ZNF626: variants seen among roughly 807,000 people sequenced by gnomAD.
ZNF626 encodes the protein zinc finger protein 626.
ZNF626 carries 4 observed loss-of-function variants against 11.7 expected under a neutral mutation model. The observed-to-expected ratio is 0.34, with a 90% confidence interval of 0.17 to 0.78. The LOEUF (loss-of-function observed/expected upper bound fraction) is 0.78. Among genes scored for constraint, ZNF626 ranks in the 30% least tolerant of loss-of-function variants. The pLI is 0.57. For synonymous variants in ZNF626, 179 were observed against 198.6 expected, an observed-to-expected ratio of 0.90 and a Z score of 0.83; for missense variants, 588 against 587.1, an observed-to-expected ratio of 1.00 and a Z score of -0.01.
chr19:20,630,517 T>C (rs1253356281), intron 3 of ZNF626, among the ~76,000 whole-genome samples: 7 of 152,208 alleles, frequency 4.6e-5, no homozygotes, highest in Non-Finnish European at 1.0e-4. Flanking sequence ...GGAGGATGTA[T>C]GTGTCGAGGA....
intron 1 of ZNF626, among the ~76,000 whole-genome samples, chr19:20,653,422 C>T (rs1431165031): frequency 2.0e-5 from 3 of 152,148 alleles, no homozygotes; most frequent in Admixed American, 6.6e-5. Context: ...CCATGTCATA[C>T]ATAGTTCATC....
In ZNF626 at chr19:20,624,110, C is replaced by T. The variant is rs1294140273; in HGVS notation, c.*180G>A. On this transcript the variant is annotated 3_prime_UTR_variant, in exon 4 of 4. Coordinates refer to ENST00000601440, the MANE Select transcript of ZNF626 (RefSeq NM_001076675.3). ...CATTATTCACATCTGTAGGGTTTCT[C>T]TCCAGTATGAAATCTCTTATGTGTA... The T allele has an allele frequency of 6.7e-6, 7 of 1,043,080 alleles. No individual in the cohort carries two copies. The East Asian group carries it at 9.5e-5, about 14-fold the overall frequency. The allele number at this position is 1,043,080 out of a possible 1,614,324, so 64.6% of individuals were successfully genotyped here. A position where few individuals can be genotyped will look rare whatever the true frequency, so the allele number is the denominator to read the frequency against.
rs2144759334 is a variant in ZNF626, at chr19:20,623,156, T to G, written c.*1134A>C. ...TTAATGCTTTCATTAACTATGAACC[T>G]TCTTATGTTGAGTAAGATGTGAGTA... On this transcript the variant is annotated 3_prime_UTR_variant, in exon 4 of 4. Coordinates refer to ENST00000601440, the MANE Select transcript of ZNF626 (RefSeq NM_001076675.3). 1 of 152,394 alleles carries G rather than the reference T, an allele frequency of 6.6e-6. No homozygotes were observed. Among genetic ancestry groups the G allele is most frequent in the Non-Finnish European group, 1.5e-5 (1 of 68,056 alleles). 9.4% of individuals were successfully genotyped at this position (152,394 alleles called of 1,614,324 possible). A position where few individuals can be genotyped will look rare whatever the true frequency, so the allele number is the denominator to read the frequency against.
At chr19:20,654,362 G>A (rs1213009717) in intron 1 of ZNF626, among the ~76,000 whole-genome samples, 1 of 151,998 alleles carries the variant, frequency 6.6e-6, no homozygotes, top group African/African-American at 2.4e-5. Context: ...AGAATTGCTT[G>A]AACCTCGGAG....
At chr19:20,649,673 C>T (rs930083606) in intron 1 of ZNF626, among the ~76,000 whole-genome samples, 3 of 152,146 alleles carry the variant, frequency 2.0e-5, no homozygotes, top group Admixed American at 1.3e-4. Flanking sequence ...TTGATAACCA[C>T]GGAGCTAAGC....
intron 3 of ZNF626, among the ~76,000 whole-genome samples, chr19:20,641,104 C>T (rs575080041): frequency 1.4e-5 from 2 of 145,466 alleles, no homozygotes; most frequent in Non-Finnish European, 3.0e-5. Flanking sequence ...CCACTGCACT[C>T]TAGCGTGGGT....
At chr19:20,649,944 T>C (rs1379706806) in intron 1 of ZNF626, among the ~76,000 whole-genome samples, 1 of 152,214 alleles carries the variant, frequency 6.6e-6, no homozygotes, top group Non-Finnish European at 1.5e-5. Context: ...CCCATCTCCA[T>C]CCAAAAGTTT....
At position 20,641,746 on chromosome 19, in the gene ZNF626, G is replaced by A. The variant is rs551769273; in HGVS notation, c.226+3938C>T. On this transcript the variant is annotated intron_variant, in intron 3 of 3. Transcript: ENST00000601440. ...ATTAATTTTTTTTTTTATAGAAAGG[G>A]GTCTCCATATGTTCCCCAGGCTGGT... Among the ~76,000 whole-genome samples, 4 of 151,468 alleles carry A rather than the reference G, an allele frequency of 2.6e-5. No individual in the cohort carries two copies. The South Asian group carries it at 8.3e-4, about 32-fold the overall frequency.
intron 3 of ZNF626, among the ~76,000 whole-genome samples, chr19:20,633,747 G>T (rs1175989289): frequency 6.6e-6 from 1 of 152,182 alleles, no homozygotes; most frequent in African/African-American, 2.4e-5. Context: ...CCTGGGTGAG[G>T]CGATGCCTCG....
At chr19:20,659,107 G>GA (rs1555773429) in intron 1 of ZNF626, among the ~76,000 whole-genome samples, 1 of 152,174 alleles carries the variant, frequency 6.6e-6, no homozygotes, top group African/African-American at 2.4e-5. Context: ...ACAGTATACG[G>GA]AAAGAAACGC....
In ZNF626 at chr19:20,645,370, G is replaced by GA. The variant is rs1555771791; in HGVS notation, c.226+313dup. 1.0e-5 allele frequency: 16 copies of GA among 1,579,542 alleles called. No homozygotes were observed. In the East Asian group the frequency reaches 3.6e-4, roughly 36 times the overall value. ...ACATTTGTGCGTCCCAAAAATTATGGAAAAGCAGCCACACTGTGCAGTCTC... is the reference window on the plus strand; with the variant it reads ...ACATTTGTGCGTCCCAAAAATTATGGAAAAAGCAGCCACACTGTGCAGTCTC... On this transcript the variant is annotated intron_variant, in intron 3 of 3. Coordinates refer to ENST00000601440, the MANE Select transcript of ZNF626 (RefSeq NM_001076675.3).
intron 3 of ZNF626, among the ~76,000 whole-genome samples, chr19:20,636,270 A>G (rs577168166): frequency 6.6e-6 from 1 of 152,358 alleles, no homozygotes; most frequent in East Asian, 1.9e-4. Flanking sequence ...GGCAATAGAT[A>G]CATGGCTTTT....
chr19:20,646,238 TA>T, intron 2 of ZNF626, 40 bp downstream of exon 2: 1 of 1,504,234 alleles, frequency 6.6e-7, no homozygotes, highest in South Asian at 1.4e-5. Flanking sequence ...AATAAATAAA[TA>T]AAATCTATAG....
chr19:20,659,499 C>T (rs1970241102), intron 1 of ZNF626, among the ~76,000 whole-genome samples: 1 of 152,128 alleles, frequency 6.6e-6, no homozygotes, highest in Admixed American at 6.5e-5. Flanking sequence ...CCTAGGCCTC[C>T]CAAACTGCTG....
At chr19:20,630,571 G>T (rs1969891808) in intron 3 of ZNF626, among the ~76,000 whole-genome samples, 1 of 152,102 alleles carries the variant, frequency 6.6e-6, no homozygotes, top group Non-Finnish European at 1.5e-5. Flanking sequence ...TTGCATAGAG[G>T]TGTTTATAGT....
chr19:20,643,535 T>A (rs1204934951), intron 3 of ZNF626, among the ~76,000 whole-genome samples: 3 of 152,090 alleles, frequency 2.0e-5, no homozygotes, highest in Admixed American at 2.0e-4. Flanking sequence ...TAGCATATTA[T>A]CCTAAATAAC....
At chr19:20,633,950 T>G (rs760067484) in intron 3 of ZNF626, among the ~76,000 whole-genome samples, 1 of 152,128 alleles carries the variant, frequency 6.6e-6, no homozygotes, top group Non-Finnish European at 1.5e-5. Context: ...CTCATGTAAA[T>G]ATTATCAAAA....
intron 1 of ZNF626, among the ~76,000 whole-genome samples, chr19:20,659,017 T>C (rs1266519781): frequency 1.3e-5 from 2 of 152,156 alleles, no homozygotes; most frequent in Admixed American, 6.5e-5. Context: ...AACAAAGAGA[T>C]GGGGAAAGAT....
chr19:20,626,762 C>T lies in ZNF626; in HGVS notation c.227-1112G>A, dbSNP rs73008306. On this transcript the variant is annotated intron_variant, in intron 3 of 3. Coordinates refer to ENST00000601440, the MANE Select transcript of ZNF626 (RefSeq NM_001076675.3). Reference sequence around the variant, plus strand: ...GGGCGCAATGGCTCATGCCTGTAATCGCAGCAACTTAGGAGGCCACCTTGG... The same window carrying T: ...GGGCGCAATGGCTCATGCCTGTAATTGCAGCAACTTAGGAGGCCACCTTGG... Among the ~76,000 whole-genome samples, 12 of 152,070 alleles carry T rather than the reference C, an allele frequency of 7.9e-5. No individual in the cohort carries two copies. The South Asian group carries it at 1.0e-3, about 13-fold the overall frequency.
Sources: gnomAD v4.1 joint callset for allele counts (sites outside exome capture counted in the v4.1 genomes callset) on GRCh38, gnomAD v4.1.1 for gene constraint, MANE v1.5 for transcripts, NCBI Gene and HGNC (gene_info 2026-07-23, HGNC 2026-07-21) for gene names.